Variants in COMMD5 observed in about 807,000 individuals in gnomAD.
COMMD5 encodes the protein COMM domain-containing protein 5.
COMMD5 carries 10 observed loss-of-function variants against 6.9 expected under a neutral mutation model. The ratio of observed to expected loss-of-function variants is 1.44; its 90% CI spans 0.89 to 2.45. COMMD5 has a LOEUF of 2.45. COMMD5 is among the 30% of genes most tolerant of loss of function. The pLI, the probability that COMMD5 is intolerant of heterozygous loss-of-function variation, is 0.00. For missense variants in COMMD5, 234 were observed against 287.8 expected (o/e 0.81, Z 1.35); for synonymous variants, 127 against 125.3 (o/e 1.01, Z -0.09).
chr8:144,841,645 G>C, exon 2 of COMMD5: 1 of 1,614,216 alleles, frequency 6.2e-7, no homozygotes, highest in Non-Finnish European at 8.5e-7. Context: ...CAGCGGCCTG[G>C]ATTGTCAGCC....
intron 1 of COMMD5, among the ~76,000 whole-genome samples, chr8:144,844,666 G>A (rs967229151): frequency 5.8e-5 from 8 of 138,124 alleles, no homozygotes; most frequent in Admixed American, 8.1e-5. Flanking sequence ...CCAAGATCAC[G>A]CCACTGCACT....
At chr8:144,842,037 A>G (rs902225883) in intron 1 of COMMD5, 2 of 1,613,732 alleles carry the variant, frequency 1.2e-6, no homozygotes, top group Non-Finnish European at 1.7e-6. Flanking sequence ...GATGTGAGGA[A>G]TGTGGAAAAG....
chr8:144,852,445 C>G (rs986432997), intron 1 of COMMD5: 2 of 152,394 alleles, frequency 1.3e-5, no homozygotes, highest in East Asian at 3.8e-4. Context: ...CCCACCTCAG[C>G]ACACCAGGTA....
At position 144,851,226 on chromosome 8, in the gene COMMD5, C is replaced by A. The variant is rs140849685; in HGVS notation, c.113G>T (p.Arg38Leu). ...QLPPEVAAMARLLGDLDRSTF... is the reference protein window; with the variant it reads ...QLPPEVAAMALLLGDLDRSTF... ...GCTCCTGTCTAGGTCCCCTAGTAGC[C>A]GGGCCATTGCTGCCACCTCTGGAGG... Residue 38 changes from arginine to leucine, a missense_variant, in exon 2 of 2, where the codon CGG (arginine) becomes CTG (leucine). Coordinates refer to ENST00000305103, the MANE Select transcript of COMMD5 (RefSeq NM_014066.4). 1 of 1,614,016 alleles carries A rather than the reference C, an allele frequency of 6.2e-7. No individual in the cohort carries two copies. Among genetic ancestry groups the A allele is most frequent in the Non-Finnish European group, 8.5e-7 (1 of 1,180,036 alleles).
rs543905701 is a variant in COMMD5 at position 144,843,323 on chromosome 8, C to G, written c.*117-1580G>C. 4.7e-5 allele frequency: 46 copies of G among 986,474 alleles called. 1 individual carries two copies. The highest frequency in any genetic ancestry group is 2.9e-4 in the South Asian group (15 of 51,970). The allele number at this position is 986,474 out of a possible 1,614,324, so 61.1% of individuals were successfully genotyped here. Reference sequence around the variant, plus strand: ...TCCAACTTCAGGCCGAGTGTGGTGGCTTATGCCTGTCATCCCAGCACTTTG... The same window carrying G: ...TCCAACTTCAGGCCGAGTGTGGTGGGTTATGCCTGTCATCCCAGCACTTTG... On this transcript the variant is annotated intron_variant and NMD_transcript_variant, in intron 1 of 1. Coordinates refer to the COMMD5 transcript ENST00000530332.
chr8:144,842,328 C>G (rs146760497), intron 1 of COMMD5: 1 of 1,613,858 alleles, frequency 6.2e-7, no homozygotes, highest in Non-Finnish European at 8.5e-7. Context: ...AGAGAATTCA[C>G]GCTGTAGAGA....
downstream of COMMD5, among the ~76,000 whole-genome samples, chr8:144,840,075 C>T (rs1402844351): frequency 2.6e-5 from 4 of 152,258 alleles, no homozygotes; most frequent in East Asian, 7.7e-4. Flanking sequence ...GCCGGGATTA[C>T]AGGCGTGAGC....
downstream of COMMD5, chr8:144,838,042 G>C: frequency 1.4e-6 from 1 of 695,212 alleles, no homozygotes; most frequent in Non-Finnish European, 2.6e-6. Flanking sequence ...CGGGGGGTCA[G>C]CAAGCAGGGC....
downstream of COMMD5, chr8:144,846,087 C>T (rs1337324480): frequency 2.0e-6 from 3 of 1,536,350 alleles, no homozygotes; most frequent in Non-Finnish European, 1.7e-6. Flanking sequence ...CTGACCCTGC[C>T]TCCTCCTGGG....
Position 144,850,418 on chromosome 8 carries a change from G to A in COMMD5, c.*246C>T. ...CACCAAAGACAAATGTACAGGGAAG[G>A]GGAGGGTGTGAGGTCCAACACTCAC... On this transcript the variant is annotated 3_prime_UTR_variant, in exon 2 of 2. Coordinates refer to ENST00000305103, the MANE Select transcript of COMMD5 (RefSeq NM_014066.4). This position sits in a 1 kb window ranked among gnomAD's most constrained non-coding sequence, Gnocchi z 4.0. 2.1e-6 allele frequency: 1 copy of A among 483,572 alleles called. No individual in the cohort carries two copies. Among genetic ancestry groups the A allele is most frequent in the Admixed American group, 3.6e-5 (1 of 28,058 alleles). 30.0% of individuals were successfully genotyped at this position (483,572 alleles called of 1,614,324 possible). A position where few individuals can be genotyped will look rare whatever the true frequency, so the allele number is the denominator to read the frequency against.
Position 144,850,455 on chromosome 8 carries a change from T to C in COMMD5, c.*209A>G. The C allele has an allele frequency of 1.7e-6, 1 of 599,112 alleles. No homozygotes were observed. The highest frequency in any genetic ancestry group is 2.9e-6 in the Non-Finnish European group (1 of 349,124). The allele number at this position is 599,112 out of a possible 1,614,324, so 37.1% of individuals were successfully genotyped here. A position where few individuals can be genotyped will look rare whatever the true frequency, so the allele number is the denominator to read the frequency against. On this transcript the variant is annotated 3_prime_UTR_variant, in exon 2 of 2. Coordinates refer to ENST00000305103, the MANE Select transcript of COMMD5 (RefSeq NM_014066.4). The surrounding 1 kb of genome is among the most constrained non-coding windows in gnomAD (Gnocchi z 4.0). The stretch of plus-strand genomic sequence containing the variant: ...GGTCCAACACTCACCTATAGAAACA[T>C]GTTTTTAGCTGCTTTACTTCCAAAA...
chr8:144,844,877 G>C (rs553332756), intron 1 of COMMD5, among the ~76,000 whole-genome samples: 1 of 152,028 alleles, frequency 6.6e-6, no homozygotes, highest in South Asian at 2.1e-4. Flanking sequence ...GAGTGGGTTA[G>C]GAAGAAGGTG....
intron 1 of COMMD5, among the ~76,000 whole-genome samples, chr8:144,844,709 CAAAAAAAAAA>C (rs71320849): frequency 4.9e-3 from 431 of 88,608 alleles, no homozygotes; most frequent in Non-Finnish European, 7.4e-3. Context: ...GACTCTGTAT[CAAAAAAAAAA>C]AAAAAAAAAA....
At chr8:144,844,709 CAAAAAAAAAAA>C (rs71320849) in intron 1 of COMMD5, among the ~76,000 whole-genome samples, 1,702 of 88,592 alleles carry the variant, frequency 0.019, 32 homozygotes, top group Admixed American at 0.081. Flanking sequence ...GACTCTGTAT[CAAAAAAAAAAA>C]AAAAAAAAAA....
At chr8:144,843,444 T>G (rs112701277) in intron 1 of COMMD5, 9 of 262,202 alleles carry the variant, frequency 3.4e-5, no homozygotes, top group Admixed American at 5.1e-5. Flanking sequence ...AAAATTTAGC[T>G]GGGCGTGGTG....
exon 2 of COMMD5, chr8:144,841,602 G>A: frequency 2.5e-6 from 4 of 1,614,188 alleles, no homozygotes; most frequent in Non-Finnish European, 3.4e-6. Flanking sequence ...CCTTCACCAA[G>A]GACGCACCCC....
intron 1 of COMMD5, chr8:144,843,328 G>C: frequency 2.3e-6 from 2 of 872,020 alleles, no homozygotes; most frequent in South Asian, 4.2e-5. Flanking sequence ...GGTGGCTTAT[G>C]CCTGTCATCC....
chr8:144,852,240 A>G (rs576025619), intron 1 of COMMD5: 25 of 152,406 alleles, frequency 1.6e-4, no homozygotes, highest in African/African-American at 5.1e-4. Flanking sequence ...CACAGCTGCC[A>G]AAGTCAAGGA....
At chr8:144,851,458 G>A in intron 1 of COMMD5, 63 bp from the exon 2 acceptor site, 4 of 1,076,678 alleles carry the variant, frequency 3.7e-6, no homozygotes, top group Non-Finnish European at 5.4e-6. Context: ...GCGAGTGAGG[G>A]TTGATATGGT....
Sources: gnomAD v4.1 joint callset for allele counts (sites outside exome capture counted in the v4.1 genomes callset) on GRCh38, gnomAD v4.1.1 for gene constraint, Gnocchi (gnomAD v3.1) non-coding constraint, MANE v1.5 for transcripts, NCBI Gene and HGNC (gene_info 2026-07-23, HGNC 2026-07-21) for gene names.